The following TMEM266 variants were observed in gnomAD, a reference collection of about 807,000 sequenced individuals.
The protein encoded by TMEM266 is Hv1 related protein 1.
In TMEM266, 33 loss-of-function variants were observed where a neutral mutation model predicts 50.5. The observed-to-expected ratio is 0.65, with a 90% CI of 0.50 to 0.87. The LOEUF is 0.87. Among genes scored for constraint, TMEM266 ranks in the 40% least tolerant of loss-of-function variants. TMEM266 has a pLI of 0.00. For missense variants in TMEM266, 655 were observed against 695.1 expected (o/e 0.94, Z 0.65); for synonymous variants, 310 against 292.3 (o/e 1.06, Z -0.62).
At chr15:76,179,447 AG>A (rs2038360240) in intron 8 of TMEM266, among the ~76,000 whole-genome samples, 1 of 152,220 alleles carries the variant, frequency 6.6e-6, no homozygotes, top group Non-Finnish European at 1.5e-5. Flanking sequence ...GCACACAGCT[AG>A]TCCAGGGGGG....
At chr15:76,183,331 G>C (rs547442928) in intron 8 of TMEM266, among the ~76,000 whole-genome samples, 1 of 152,082 alleles carries the variant, frequency 6.6e-6, no homozygotes, top group East Asian at 1.9e-4. Flanking sequence ...GGCCAGGCTG[G>C]TCTCGAACTC....
chr15:76,158,931 G>T (rs553755712), intron 4 of TMEM266, among the ~76,000 whole-genome samples: 1 of 152,172 alleles, frequency 6.6e-6, no homozygotes, highest in East Asian at 1.9e-4. Flanking sequence ...CCTAGGGTCT[G>T]CAGATCCCAG....
intron 10 of TMEM266, 125 bp downstream of exon 10, chr15:76,202,389 G>A: frequency 1.2e-6 from 1 of 815,310 alleles, no homozygotes; most frequent in Non-Finnish European, 1.9e-6. Context: ...ACTGCAGGCA[G>A]TGCTCAAGGT....
chr15:76,114,236 T>C (rs900489698), intron 1 of TMEM266: 2 of 152,160 alleles, frequency 1.3e-5, no homozygotes, highest in African/African-American at 4.8e-5. Flanking sequence ...TATCTTTCTA[T>C]AGGCCAGGCA....
chr15:76,075,269 G>C (rs1330500005), intron 1 of TMEM266, among the ~76,000 whole-genome samples: 1 of 152,110 alleles, frequency 6.6e-6, no homozygotes, highest in Non-Finnish European at 1.5e-5. Context: ...GAAAGGGGCT[G>C]AGTAATGAGC....
chr15:76,060,527 C>G (rs566159913), intron 1 of TMEM266, among the ~76,000 whole-genome samples: 17 of 152,242 alleles, frequency 1.1e-4, no homozygotes, highest in African/African-American at 3.9e-4. Flanking sequence ...GGGAGGTGCC[C>G]CAGCGGCAGA....
intron 1 of TMEM266, among the ~76,000 whole-genome samples, chr15:76,072,384 G>C (rs1212806257): frequency 6.7e-6 from 1 of 149,166 alleles, no homozygotes; most frequent in African/African-American, 2.5e-5. Flanking sequence ...GTTGCGGTGA[G>C]CCGAGATTGC....
At chr15:76,084,607 T>TG (rs200700094) in intron 1 of TMEM266, among the ~76,000 whole-genome samples, 9,068 of 151,774 alleles carry the variant, frequency 0.06, 855 homozygotes, top group African/African-American at 0.2. Flanking sequence ...GGTTTTTTTT[T>TG]TTTTGTTTTT....
intron 1 of TMEM266, among the ~76,000 whole-genome samples, chr15:76,117,528 G>A (rs988983016): frequency 3.3e-5 from 5 of 152,154 alleles, no homozygotes; most frequent in South Asian, 4.1e-4. Flanking sequence ...AGACCAAGCC[G>A]GTGTTTGGAT....
At chr15:76,110,283 A>G (rs2959832) in intron 1 of TMEM266, among the ~76,000 whole-genome samples, 61,187 of 152,004 alleles carry the variant, frequency 0.4, 13,358 homozygotes, top group East Asian at 0.6. Flanking sequence ...GATTACAGGC[A>G]TAAGCCACCG....
chr15:76,104,387 CAT>C (rs2037049400), intron 1 of TMEM266, among the ~76,000 whole-genome samples: 2 of 152,196 alleles, frequency 1.3e-5, no homozygotes, highest in Non-Finnish European at 2.9e-5. Context: ...ACCATAGCCA[CAT>C]ATGAGCAGGG....
chr15:76,069,013 C>T (rs2036490662), intron 1 of TMEM266, among the ~76,000 whole-genome samples: 1 of 152,210 alleles, frequency 6.6e-6, no homozygotes, highest in South Asian at 2.1e-4. Flanking sequence ...TATTTATCAT[C>T]TCTAGAACCT....
At chr15:76,062,873 C>A (rs1012518322) in intron 1 of TMEM266, among the ~76,000 whole-genome samples, 3 of 152,016 alleles carry the variant, frequency 2.0e-5, no homozygotes, top group Non-Finnish European at 4.4e-5. Context: ...ATTCCCTTCA[C>A]GAGAGTTTTT....
chr15:76,140,629 C>G (rs1283716435), intron 3 of TMEM266, among the ~76,000 whole-genome samples: 1 of 152,160 alleles, frequency 6.6e-6, no homozygotes, highest in Non-Finnish European at 1.5e-5. Context: ...TTTTCAATTT[C>G]CCTGAATCTG....
At chr15:76,200,537 G>A (rs528917242) in intron 9 of TMEM266, among the ~76,000 whole-genome samples, 1 of 152,300 alleles carries the variant, frequency 6.6e-6, no homozygotes, top group Admixed American at 6.5e-5. Flanking sequence ...TTAAGGTTTC[G>A]CTGCTCTGTG....
chr15:76,201,164 G>T (rs1412545615), intron 9 of TMEM266, among the ~76,000 whole-genome samples: 1 of 152,078 alleles, frequency 6.6e-6, no homozygotes, highest in Non-Finnish European at 1.5e-5. Context: ...CCCACCCTGG[G>T]CATTGCAGTC....
chr15:76,132,513 G>T (rs1218421014), intron 1 of TMEM266, among the ~76,000 whole-genome samples: 5 of 152,040 alleles, frequency 3.3e-5, no homozygotes, highest in Non-Finnish European at 7.4e-5. Flanking sequence ...TAATTATTAT[G>T]GGCGGGGCAC....
chr15:76,183,590 C>A (rs12910640), intron 8 of TMEM266, among the ~76,000 whole-genome samples: 55,006 of 151,998 alleles, frequency 0.36, 10,695 homozygotes, highest in Admixed American at 0.49. Flanking sequence ...GCACCAGATG[C>A]TGTCAGAAGT....
intron 3 of TMEM266, among the ~76,000 whole-genome samples, chr15:76,148,278 A>C (rs1261847698): frequency 2.0e-5 from 3 of 152,316 alleles, no homozygotes; most frequent in Middle Eastern, 6.8e-3. Context: ...GACTTTGGCC[A>C]AATAGAAGGA....
Sources: allele counts gnomAD v4.1 joint callset (sites outside exome capture counted in the v4.1 genomes callset), GRCh38; gene constraint gnomAD v4.1.1; transcripts MANE v1.5; gene names NCBI Gene and HGNC (gene_info 2026-07-23, HGNC 2026-07-21).